The following STX7 variants were observed in gnomAD, a reference collection of about 807,000 sequenced individuals.
The protein encoded by STX7 is syntaxin-7.
A neutral mutation model predicts 39.6 loss-of-function variants in STX7; 34 were observed. The observed-to-expected ratio is 0.86, with a 90% CI of 0.65 to 1.14. STX7 has a LOEUF of 1.14. Ranked by LOEUF, STX7 falls within the 50% of genes most tolerant of loss-of-function variation. STX7 has a pLI of 0.00. For missense variants in STX7, 284 were observed against 310.4 expected, an observed-to-expected ratio of 0.92 and a Z score of 0.64; for synonymous variants, 119 against 99.1, an observed-to-expected ratio of 1.20 and a Z score of -1.19.
At chr6:132,490,965 GCAGCA>G (rs71545037) in intron 2 of STX7, among the ~76,000 whole-genome samples, 1,613 of 127,550 alleles carry the variant, frequency 0.013, 24 homozygotes, top group African/African-American at 0.019. Context: ...GTCCCTCAGT[GCAGCA>G]CAGCACAGCA....
intron 2 of STX7, among the ~76,000 whole-genome samples, chr6:132,495,510 G>T (rs1017406025): frequency 1.3e-5 from 2 of 152,002 alleles, no homozygotes; most frequent in Non-Finnish European, 2.9e-5. Flanking sequence ...TTAATAAACT[G>T]CCTTCCCATC....
intron 9 of STX7, chr6:132,461,798 G>T (rs1002501462): frequency 1.0e-5 from 15 of 1,506,800 alleles, no homozygotes; most frequent in Middle Eastern, 1.7e-4. Flanking sequence ...CTTCATTCCT[G>T]GTTCAGTTGT....
At chr6:132,466,686 AG>A (rs1562322292) in intron 8 of STX7, among the ~76,000 whole-genome samples, 1 of 152,136 alleles carries the variant, frequency 6.6e-6, no homozygotes, top group Non-Finnish European at 1.5e-5. Flanking sequence ...TCCCCTGCCC[AG>A]ACTTCTCCCC....
chr6:132,496,263 T>C (rs1367101703), intron 2 of STX7, among the ~76,000 whole-genome samples: 1 of 152,120 alleles, frequency 6.6e-6, no homozygotes, highest in Non-Finnish European at 1.5e-5. Flanking sequence ...AGGTTATTAT[T>C]TTAAAAAAAA....
Position 132,455,250 on chromosome 6 carries a change from C to G in STX7, c.*5508G>C, listed in dbSNP as rs1441410960. On this transcript the variant is annotated 3_prime_UTR_variant, in exon 10 of 10. Coordinates refer to ENST00000367941, the MANE Select transcript of STX7 (RefSeq NM_003569.3). Reference sequence around the variant, plus strand: ...CTGGTCTGAGTTTAACATTTCAGATCTCCCATTAAACAACTGATCAAAAAA... The same window carrying G: ...CTGGTCTGAGTTTAACATTTCAGATGTCCCATTAAACAACTGATCAAAAAA... The G allele has an allele frequency of 3.3e-5, 5 of 152,122 alleles. No individual in the cohort carries two copies. The highest frequency in any genetic ancestry group is 2.9e-5 in the Non-Finnish European group (2 of 68,018). 9.4% of individuals were successfully genotyped at this position (152,122 alleles called of 1,614,324 possible). A position where few individuals can be genotyped will look rare whatever the true frequency, so the allele number is the denominator to read the frequency against.
chr6:132,471,138 T>C (rs1774708471), intron 5 of STX7, among the ~76,000 whole-genome samples: 1 of 152,198 alleles, frequency 6.6e-6, no homozygotes, highest in African/African-American at 2.4e-5. Context: ...CACTAGCGTG[T>C]ACACAAGCAG....
intron 1 of STX7, among the ~76,000 whole-genome samples, chr6:132,509,384 G>A (rs759657773): frequency 7.2e-5 from 11 of 151,796 alleles, no homozygotes; most frequent in Non-Finnish European, 8.8e-5. Flanking sequence ...CCCAGGAGGC[G>A]GAGGTTGCAG....
intron 2 of STX7, among the ~76,000 whole-genome samples, chr6:132,491,013 GC>G (rs1199283351): frequency 1.3e-5 from 2 of 151,860 alleles, no homozygotes; most frequent in Non-Finnish European, 2.9e-5. Flanking sequence ...GCACAGCACA[GC>G]ACAGCACAGC....
chr6:132,506,642 A>G (rs1775711831), intron 1 of STX7, among the ~76,000 whole-genome samples: 1 of 152,208 alleles, frequency 6.6e-6, no homozygotes, highest in Admixed American at 6.5e-5. Flanking sequence ...ACAAGTACAG[A>G]TGTTGGCAAG....
rs554533673 is a variant in STX7 at position 132,472,393 on chromosome 6, G to A, written c.156-18C>T. ...TCTGTTGCCTAAAGTGAGAAAACAC[G>A]CATTACAGCCAAAGGACTAATATAC... On this transcript the variant is annotated intron_variant, in intron 3 of 9. Transcript: ENST00000367941. 101 of 1,583,292 alleles carry A rather than the reference G, an allele frequency of 6.4e-5. 1 individual carries two copies. The South Asian group carries it at 7.8e-4, about 12-fold the overall frequency.
At chr6:132,491,021 C>CAGCACAGCAG (rs1324123351) in intron 2 of STX7, among the ~76,000 whole-genome samples, 19 of 149,892 alleles carry the variant, frequency 1.3e-4, no homozygotes, top group Non-Finnish European at 2.2e-4. Context: ...CAGCACAGCA[C>CAGCACAGCAG]AGCAGAGAGA....
chr6:132,482,059 T>C (rs1328412136), intron 2 of STX7, among the ~76,000 whole-genome samples: 1 of 152,170 alleles, frequency 6.6e-6, no homozygotes, highest in Non-Finnish European at 1.5e-5. Context: ...ATTTATCATA[T>C]TGTTGACCCT....
intron 7 of STX7, 136 bp downstream of exon 7, chr6:132,469,815 G>A (rs1774665675): frequency 1.6e-6 from 1 of 608,880 alleles, no homozygotes; most frequent in Admixed American, 4.0e-5. Flanking sequence ...CTCCAGCCTG[G>A]GTGACAGAGG....
intron 2 of STX7, among the ~76,000 whole-genome samples, chr6:132,481,629 T>C (rs1056011771): frequency 8.5e-5 from 13 of 152,114 alleles, no homozygotes; most frequent in Non-Finnish European, 1.5e-5. Flanking sequence ...AAACAACCAT[T>C]ATGTTATTGC....
chr6:132,495,744 G>A (rs1775407620), intron 2 of STX7, among the ~76,000 whole-genome samples: 1 of 151,934 alleles, frequency 6.6e-6, no homozygotes, highest in Non-Finnish European at 1.5e-5. Context: ...CTAATTAAAA[G>A]AACTGTGATC....
intron 2 of STX7, among the ~76,000 whole-genome samples, chr6:132,480,279 A>T (rs963722332): frequency 2.0e-5 from 3 of 152,180 alleles, no homozygotes; most frequent in Non-Finnish European, 2.9e-5. Context: ...CGGCCTACTG[A>T]GACTCAATCC....
intron 2 of STX7, among the ~76,000 whole-genome samples, chr6:132,491,028 G>GCACAGCACAGCACAGCAC (rs1554250963): frequency 4.0e-5 from 6 of 151,836 alleles, no homozygotes; most frequent in South Asian, 2.1e-4. Flanking sequence ...GCACAGCAGA[G>GCACAGCACAGCACAGCAC]AGAATAGAGC....
rs564228381 is a variant in STX7 at position 132,446,686 on chromosome 6, T to A, written c.*14072A>T. On this transcript the variant is annotated 3_prime_UTR_variant, in exon 10 of 10. Coordinates refer to ENST00000367941, the MANE Select transcript of STX7 (RefSeq NM_003569.3). ...TATCTTCCATCACAGTATTAAAATG[T>A]TTTTTATGAACATGAGCATCTGGCT... The A allele has an allele frequency of 6.6e-6, 1 of 152,262 alleles. No individual in the cohort carries two copies. Among genetic ancestry groups the A allele is most frequent in the South Asian group, 2.1e-4 (1 of 4,830 alleles). 9.4% of individuals were successfully genotyped at this position (152,262 alleles called of 1,614,324 possible). A position where few individuals can be genotyped will look rare whatever the true frequency, so the allele number is the denominator to read the frequency against.
At chr6:132,471,700 C>T (rs1190174076) in intron 4 of STX7, 100 bp from the exon 5 acceptor site, 1 of 1,375,048 alleles carries the variant, frequency 7.3e-7, no homozygotes, top group African/African-American at 1.4e-5. Context: ...TTTTCACTTA[C>T]TCCCCAATTA....
Sources: gnomAD v4.1 joint callset for allele counts (sites outside exome capture counted in the v4.1 genomes callset) on GRCh38, gnomAD v4.1.1 for gene constraint, MANE v1.5 for transcripts, NCBI Gene and HGNC (gene_info 2026-07-23, HGNC 2026-07-21) for gene names.